Variants in THSD7A observed in about 807,000 individuals in gnomAD.
THSD7A encodes the protein thrombospondin type-1 domain-containing protein 7A.
In THSD7A, 96 loss-of-function variants were observed where a neutral mutation model predicts 231.3. That is an observed-to-expected ratio of 0.41 (90% confidence interval 0.35 to 0.49). THSD7A has a LOEUF of 0.49. THSD7A is among the 20% of genes least tolerant of loss of function. The pLI is 0.05. For synonymous variants in THSD7A, 940 were observed against 743.3 expected, an observed-to-expected ratio of 1.26 and a Z score of -4.30; for missense variants, 2,290 against 2,070.2, an observed-to-expected ratio of 1.11 and a Z score of -2.06.
intron 1 of THSD7A, among the ~76,000 whole-genome samples, chr7:11,721,036 C>G (rs912602550): frequency 6.6e-6 from 1 of 151,786 alleles, no homozygotes; most frequent in East Asian, 1.9e-4. Context: ...TTATTAATTA[C>G]ACATATGCCT....
chr7:11,807,787 T>C, intron 1 of THSD7A, among the ~76,000 whole-genome samples: 1 of 152,316 alleles, frequency 6.6e-6, no homozygotes, highest in South Asian at 2.1e-4. Context: ...ATCAATAATA[T>C]TTTGCTACAA....
intron 9 of THSD7A, among the ~76,000 whole-genome samples, chr7:11,463,298 C>G (rs1396091259): frequency 1.3e-5 from 2 of 152,134 alleles, no homozygotes; most frequent in African/African-American, 4.8e-5. Context: ...GACTCACTGC[C>G]ATGTTTAGAG....
At chr7:11,651,528 A>C (rs944058460) in intron 1 of THSD7A, among the ~76,000 whole-genome samples, 1 of 140,140 alleles carries the variant, frequency 7.1e-6, no homozygotes, top group Non-Finnish European at 1.6e-5. Context: ...TCTATCTAGC[A>C]CTACAATGAA....
At chr7:11,395,147 A>C (rs1464783364) in intron 23 of THSD7A, among the ~76,000 whole-genome samples, 2 of 87,110 alleles carry the variant, frequency 2.3e-5, no homozygotes, top group African/African-American at 1.5e-4. Context: ...TGGAAAGCAA[A>C]AAAAAAAAAA....
chr7:11,769,122 A>AT (rs1491347103), intron 1 of THSD7A, among the ~76,000 whole-genome samples: 441 of 35,850 alleles, frequency 0.012, 91 homozygotes, highest in Middle Eastern at 0.052. Context: ...AATTCCTGGC[A>AT]ATATATATAT....
chr7:11,756,385 G>A (rs907382876), intron 1 of THSD7A, among the ~76,000 whole-genome samples: 1 of 152,084 alleles, frequency 6.6e-6, no homozygotes, highest in South Asian at 2.1e-4. Flanking sequence ...TGAGAGTGGA[G>A]AAGAGGAGGA....
At chr7:11,603,869 G>A in intron 2 of THSD7A, among the ~76,000 whole-genome samples, 1 of 136,836 alleles carries the variant, frequency 7.3e-6, no homozygotes, top group Non-Finnish European at 1.6e-5. Flanking sequence ...CACACTCTGG[G>A]GACTGTGGTG....
chr7:11,593,175 T>C, intron 3 of THSD7A, 79 bp downstream of exon 3: 2 of 1,528,706 alleles, frequency 1.3e-6, no homozygotes, highest in African/African-American at 2.8e-5. Flanking sequence ...TACTGTTGCT[T>C]AGAGTACTGT....
At chr7:11,485,449 G>A (rs1583830480) in intron 6 of THSD7A, among the ~76,000 whole-genome samples, 1 of 152,242 alleles carries the variant, frequency 6.6e-6, no homozygotes, top group East Asian at 1.9e-4. Context: ...GTTGCTGAAT[G>A]CCCATCTTCT....
intron 2 of THSD7A, among the ~76,000 whole-genome samples, chr7:11,602,644 G>T (rs748482009): frequency 1.3e-5 from 2 of 151,822 alleles, no homozygotes; most frequent in Non-Finnish European, 2.9e-5. Context: ...GACAGTTTTG[G>T]GTGAGCAGTG....
intron 1 of THSD7A, among the ~76,000 whole-genome samples, chr7:11,726,483 C>T (rs941632971): frequency 2.6e-5 from 4 of 151,922 alleles, no homozygotes; most frequent in African/African-American, 9.7e-5. Context: ...TCCCTTTTGC[C>T]CACTTTTTGG....
At chr7:11,738,477 T>C (rs1226585397) in intron 1 of THSD7A, among the ~76,000 whole-genome samples, 4 of 152,072 alleles carry the variant, frequency 2.6e-5, no homozygotes, top group Admixed American at 2.6e-4. Context: ...AGCAATACTT[T>C]ACTCTTCTTT....
Position 11,590,613 on chromosome 7 carries a change from C to T in THSD7A, c.1300G>A (p.Glu434Lys). The change falls in exon 4 of 28, where the codon GAG becomes AAG. Residue 434 changes from glutamate to lysine, a missense_variant. Transcript: ENST00000423059. The surrounding 1 kb of genome is among the most constrained non-coding windows in gnomAD (Gnocchi z 4.4). ...TYGWRTTEWTECRVDPLLSQQ... is the reference protein window; with the variant it reads ...TYGWRTTEWTKCRVDPLLSQQ... ...CTGAGCAAAGGGTCCACACGGCACTCAGTCCACTCTGTAGTTCTCCAGCCA... is the reference window on the plus strand; with the variant it reads ...CTGAGCAAAGGGTCCACACGGCACTTAGTCCACTCTGTAGTTCTCCAGCCA... 1 of 1,612,688 alleles carries T rather than the reference C, an allele frequency of 6.2e-7. No homozygotes were observed. The highest frequency in any genetic ancestry group is 8.5e-7 in the Non-Finnish European group (1 of 1,179,318).
At chr7:11,581,559 T>C (rs201976332) in intron 4 of THSD7A, among the ~76,000 whole-genome samples, 2 of 100,414 alleles carry the variant, frequency 2.0e-5, no homozygotes, top group African/African-American at 6.6e-5. Flanking sequence ...AATTTTCACA[T>C]GTTTCTATCC....
intron 1 of THSD7A, among the ~76,000 whole-genome samples, chr7:11,816,206 C>G (rs1242848859): frequency 1.3e-5 from 2 of 152,174 alleles, no homozygotes; most frequent in Non-Finnish European, 2.9e-5. Context: ...ACACACAGAC[C>G]TTGCCATAAA....
intron 4 of THSD7A, among the ~76,000 whole-genome samples, chr7:11,579,941 A>C (rs1791084707): frequency 6.6e-6 from 1 of 152,184 alleles, no homozygotes; most frequent in Non-Finnish European, 1.5e-5. Flanking sequence ...TGTTAGAATT[A>C]GGGGTAGATT....
At chr7:11,695,977 T>A (rs1780383907) in intron 1 of THSD7A, among the ~76,000 whole-genome samples, 1 of 151,380 alleles carries the variant, frequency 6.6e-6, no homozygotes, top group East Asian at 2.0e-4. Context: ...TGAGTTTAAG[T>A]GTAGTTTTGG....
chr7:11,526,190 C>A (rs1447242067), intron 6 of THSD7A, among the ~76,000 whole-genome samples: 1 of 152,188 alleles, frequency 6.6e-6, no homozygotes, highest in Non-Finnish European at 1.5e-5. Flanking sequence ...AAAGATTCAT[C>A]TCCTCCAGCT....
chr7:11,677,090 A>G (rs556948659), intron 1 of THSD7A, among the ~76,000 whole-genome samples: 1 of 152,122 alleles, frequency 6.6e-6, no homozygotes, highest in Non-Finnish European at 1.5e-5. Flanking sequence ...CCTACAAGCT[A>G]GAAGAGAGTG....
Sources: allele counts gnomAD v4.1 joint callset (sites outside exome capture counted in the v4.1 genomes callset), GRCh38; gene constraint gnomAD v4.1.1; non-coding constraint Gnocchi (gnomAD v3.1); transcripts MANE v1.5; gene names NCBI Gene and HGNC (gene_info 2026-07-23, HGNC 2026-07-21).